The following DLC1 variants were observed in gnomAD, a reference collection of about 807,000 sequenced individuals.
The protein encoded by DLC1 is DLC1 Rho GTPase activating protein, also known as rho GTPase-activating protein 7.
Under a neutral mutation model 140.3 loss-of-function variants are expected in DLC1, and 54 were observed. The observed-to-expected ratio is 0.38, with a 90% CI of 0.31 to 0.48. DLC1 has a LOEUF of 0.48. DLC1 is among the 20% of genes least tolerant of loss of function. The probability of loss-of-function intolerance (pLI) is 0.96; values close to 1 mark genes in which losing one functional copy is unlikely to be tolerated. For synonymous variants in DLC1, 986 were observed against 728.1 expected, an observed-to-expected ratio of 1.35 and a Z score of -5.70; for missense variants, 2,536 against 1,907.0, an observed-to-expected ratio of 1.33 and a Z score of -6.14.
chr8:13,275,360 C>G (rs547058281), intron 5 of DLC1, among the ~76,000 whole-genome samples: 1 of 152,344 alleles, frequency 6.6e-6, no homozygotes, highest in African/African-American at 2.4e-5. Flanking sequence ...GAGGCCACCT[C>G]TAATATTTGT....
rs146429683 is a variant in DLC1 at position 13,583,522 on chromosome 8, A to G, written c.-126+21015T>C. ...ACAACTTCCTGTACTGAAGTCTTAA[A>G]CCCCTCAAAGTAATCCAGGAGGGTT... is the stretch of plus-strand genomic sequence containing the variant. On this transcript the variant is annotated intron_variant, in intron 1 of 1. Transcript: ENST00000631382. Among the ~76,000 whole-genome samples, 801 of 152,278 alleles carry G rather than the reference A, an allele frequency of 5.3e-3. 5 individuals are homozygous for G. Among genetic ancestry groups the G allele is most frequent in the Middle Eastern group, 0.031 (9 of 294 alleles).
chr8:13,299,976 T>G (rs1159260302), intron 5 of DLC1, among the ~76,000 whole-genome samples: 1 of 152,140 alleles, frequency 6.6e-6, no homozygotes, highest in East Asian at 1.9e-4. Flanking sequence ...TAAAGATACA[T>G]GCACACATAT....
At chr8:13,377,137 A>G (rs7463684) in intron 4 of DLC1, among the ~76,000 whole-genome samples, 1 of 152,280 alleles carries the variant, frequency 6.6e-6, no homozygotes, top group East Asian at 1.9e-4. Flanking sequence ...GGCTAAAGGT[A>G]TCCACTCAGT....
intron 1 of DLC1, among the ~76,000 whole-genome samples, chr8:13,563,191 C>T (rs879809118): frequency 2.0e-5 from 3 of 152,148 alleles, no homozygotes; most frequent in Non-Finnish European, 2.9e-5. Flanking sequence ...TAGCCAAATG[C>T]AGTCAGTGGA....
At chr8:13,258,459 A>G (rs192020881) in intron 5 of DLC1, among the ~76,000 whole-genome samples, 2 of 152,364 alleles carry the variant, frequency 1.3e-5, no homozygotes, top group East Asian at 1.9e-4. Flanking sequence ...CCATTTACTT[A>G]TAATATCTGC....
intron 2 of DLC1, among the ~76,000 whole-genome samples, chr8:13,487,825 C>T (rs1801041368): frequency 6.6e-6 from 1 of 152,186 alleles, no homozygotes; most frequent in Admixed American, 6.5e-5. Flanking sequence ...CCCGCCTCAG[C>T]CTCCCAAAGT....
intron 2 of DLC1, among the ~76,000 whole-genome samples, chr8:13,431,100 C>T (rs2117391884): frequency 6.6e-6 from 1 of 152,264 alleles, no homozygotes; most frequent in South Asian, 2.1e-4. Flanking sequence ...TTCTCAGAAA[C>T]ACTATTCAAA....
At chr8:13,497,490 G>T (rs1801568185) in intron 2 of DLC1, among the ~76,000 whole-genome samples, 1 of 152,162 alleles carries the variant, frequency 6.6e-6, no homozygotes, top group Non-Finnish European at 1.5e-5. Flanking sequence ...ATTTAAGTTA[G>T]AACTTGTAAA....
intron 5 of DLC1, among the ~76,000 whole-genome samples, chr8:13,128,748 T>C (rs1821809237): frequency 6.6e-6 from 1 of 151,032 alleles, no homozygotes; most frequent in African/African-American, 2.4e-5. Context: ...GGCAGGAGAA[T>C]GGCGTGAACC....
Position 13,090,262 on chromosome 8 carries a change from G to C in DLC1, c.4064C>G (p.Ser1355Cys), listed in dbSNP as rs368102879. The change falls in exon 15 of 18, where the codon TCC becomes TGC. Residue 1355 changes from serine to cysteine, a missense_variant. Transcript: ENST00000276297. ...AGGGTGAAGCCTTACCTTCTTATAGGACAGCTCAGCCTGCTCCGAAGTGGA... is the reference window on the plus strand; with the variant it reads ...AGGGTGAAGCCTTACCTTCTTATAGCACAGCTCAGCCTGCTCCGAAGTGGA... Reference protein sequence around the residue: ...SYSTSEQAELSYKKVSEGPPL... With the variant: ...SYSTSEQAELCYKKVSEGPPL... The C allele has an allele frequency of 3.8e-5, 61 of 1,613,890 alleles. No individual in the cohort carries two copies. Among genetic ancestry groups the C allele is most frequent in the Non-Finnish European group, 4.9e-5 (58 of 1,179,994 alleles).
chr8:13,358,144 G>A (rs1404798619), intron 4 of DLC1, among the ~76,000 whole-genome samples: 3 of 152,102 alleles, frequency 2.0e-5, no homozygotes, highest in East Asian at 1.9e-4. Flanking sequence ...CCTATTCACC[G>A]TAAGTTTTTC....
intron 1 of DLC1, among the ~76,000 whole-genome samples, chr8:13,589,038 A>G (rs1469889759): frequency 6.6e-6 from 1 of 152,120 alleles, no homozygotes; most frequent in Non-Finnish European, 1.5e-5. Flanking sequence ...AAAACAGAAT[A>G]TGATAATAAT....
At chr8:13,184,123 C>A (rs138672313) in intron 5 of DLC1, among the ~76,000 whole-genome samples, 1 of 152,156 alleles carries the variant, frequency 6.6e-6, no homozygotes, top group South Asian at 2.1e-4. Flanking sequence ...ATAGTATTCT[C>A]TGATGGTAGT....
At chr8:13,133,783 A>G (rs1474212278) in intron 5 of DLC1, among the ~76,000 whole-genome samples, 1 of 152,034 alleles carries the variant, frequency 6.6e-6, no homozygotes, top group Non-Finnish European at 1.5e-5. Flanking sequence ...CCTGGCGGGA[A>G]CCACGTAAAT....
intron 2 of DLC1, among the ~76,000 whole-genome samples, chr8:13,479,042 T>C (rs1800564961): frequency 6.6e-6 from 1 of 152,228 alleles, no homozygotes; most frequent in African/African-American, 2.4e-5. Context: ...AGGATTCCAC[T>C]CTGATTCTTT....
chr8:13,380,744 C>T (rs548597696), intron 4 of DLC1, among the ~76,000 whole-genome samples: 2 of 152,096 alleles, frequency 1.3e-5, no homozygotes, highest in Non-Finnish European at 2.9e-5. Flanking sequence ...TGACCCAAAC[C>T]CTAAGGGGAC....
At position 13,092,793 on chromosome 8, in the gene DLC1, T is replaced by G; in HGVS notation, c.3559A>C (p.Lys1187Gln). ...TCAGGCAGCAGCATGATGGCAGCCT[T>G]GATGGCCTGCAGGCGCTGGTCCTTG... is the stretch of plus-strand genomic sequence containing the variant. Reference protein sequence around the residue: ...VPKDQRLQAIKAAIMLLPDEN... With the variant: ...VPKDQRLQAIQAAIMLLPDEN... Residue 1187 changes from lysine (K) to glutamine (Q), a missense_variant, in exon 13 of 18, where the codon AAG becomes CAG. Lys to Gln is a moderately conservative substitution (Grantham distance 53, BLOSUM62 1). Transcript: ENST00000276297. The G allele has an allele frequency of 6.2e-7, 1 of 1,614,028 alleles. No individual in the cohort carries two copies. Among genetic ancestry groups the G allele is most frequent in the South Asian group, 1.1e-5 (1 of 91,036 alleles).
intron 5 of DLC1, among the ~76,000 whole-genome samples, chr8:13,159,511 G>A (rs1383039900): frequency 6.6e-6 from 1 of 152,144 alleles, no homozygotes; most frequent in East Asian, 1.9e-4. Context: ...CCTTGCTGAA[G>A]GCACCATCTC....
At chr8:13,534,986 C>G (rs774002832) in intron 1 of DLC1, among the ~76,000 whole-genome samples, 2 of 152,058 alleles carry the variant, frequency 1.3e-5, no homozygotes, top group Non-Finnish European at 2.9e-5. Context: ...ATAGGAGAAT[C>G]CTTATCTCTC....
Sources: allele counts gnomAD v4.1 joint callset (sites outside exome capture counted in the v4.1 genomes callset), GRCh38; gene constraint gnomAD v4.1.1; transcripts MANE v1.5; gene names NCBI Gene and HGNC (gene_info 2026-07-23, HGNC 2026-07-21).